The following ABHD2 variants were observed in gnomAD, a reference collection of about 807,000 sequenced individuals.
ABHD2 encodes monoacylglycerol lipase ABHD2.
ABHD2 carries 20 observed loss-of-function variants against 48.1 expected under a neutral mutation model. The observed-to-expected ratio is 0.42, with a 90% CI of 0.29 to 0.60. The LOEUF is 0.60. Ranked by LOEUF, ABHD2 falls within the 20% of genes least tolerant of loss-of-function variation. ABHD2 has a pLI of 0.24. For missense variants in ABHD2, 405 were observed against 550.9 expected (o/e 0.74, Z 2.65); for synonymous variants, 209 against 214.2 (o/e 0.98, Z 0.21).
rs1014433431 is a variant in ABHD2 at position 89,151,144 on chromosome 15, C to G, written c.195-533C>G. Among the ~76,000 whole-genome samples the G allele has an allele frequency of 6.6e-6, 1 of 152,210 alleles. No homozygotes were observed. Among genetic ancestry groups the G allele is most frequent in the Admixed American group, 6.5e-5 (1 of 15,276 alleles). On this transcript the variant is annotated intron_variant, in intron 3 of 10. Coordinates refer to ENST00000352732, the MANE Select transcript of ABHD2 (RefSeq NM_152924.5). This position sits in a 1 kb window ranked among gnomAD's most constrained non-coding sequence, Gnocchi z 4.7. ...GGAGCATAGAGTAGTGCCCTCACCC[C>G]ACAAGGCACTTACAGGCTCTTAGAA... is the stretch of plus-strand genomic sequence containing the variant.
intron 3 of ABHD2, among the ~76,000 whole-genome samples, chr15:89,142,994 T>G (rs776009262): frequency 6.6e-6 from 1 of 152,218 alleles, no homozygotes; most frequent in Non-Finnish European, 1.5e-5. Context: ...CCAATTCGAT[T>G]CCATGATGAG....
At chr15:89,057,063 G>A in the ABHD2 span, among the ~76,000 whole-genome samples, 8 of 151,786 alleles carry the variant, frequency 5.3e-5, no homozygotes, top group South Asian at 4.2e-4. Context: ...ACAGGCACAC[G>A]CCACCACGCC....
the ABHD2 span, among the ~76,000 whole-genome samples, chr15:89,045,466 A>T: frequency 6.6e-6 from 1 of 152,226 alleles, no homozygotes; most frequent in African/African-American, 2.4e-5. Context: ...TGGGGATGGC[A>T]TTGAATCTAT....
In ABHD2 at chr15:89,168,556, A is replaced by G. The variant is rs1273237349; in HGVS notation, c.539-7256A>G. Among the ~76,000 whole-genome samples, 1 of 152,156 alleles carries G rather than the reference A, an allele frequency of 6.6e-6. No individual in the cohort carries two copies. Among genetic ancestry groups the G allele is most frequent in the Non-Finnish European group, 1.5e-5 (1 of 68,018 alleles). On this transcript the variant is annotated intron_variant, in intron 5 of 10. Transcript: ENST00000352732. The surrounding 1 kb of genome is among the most constrained non-coding windows in gnomAD (Gnocchi z 4.8). Reference sequence around the variant, plus strand: ...GAGAGGTGGCATCTCTTCACAGAACATCCAGCAGTCTGTCTGACATCAGGC... The same window carrying G: ...GAGAGGTGGCATCTCTTCACAGAACGTCCAGCAGTCTGTCTGACATCAGGC...
At chr15:89,074,730 C>T in the ABHD2 span, among the ~76,000 whole-genome samples, 2 of 152,308 alleles carry the variant, frequency 1.3e-5, no homozygotes, top group South Asian at 4.2e-4. Flanking sequence ...CCCTCCCCAA[C>T]AAAGAAAAGA....
intron 3 of ABHD2, among the ~76,000 whole-genome samples, chr15:89,124,893 A>C (rs1237413297): frequency 6.6e-6 from 1 of 152,234 alleles, no homozygotes; most frequent in African/African-American, 2.4e-5. Flanking sequence ...GTTCGAGACC[A>C]GCCTGGCCAA....
At chr15:89,055,724 A>G in the ABHD2 span, among the ~76,000 whole-genome samples, 1 of 152,216 alleles carries the variant, frequency 6.6e-6, no homozygotes, top group South Asian at 2.1e-4. Context: ...TGAATAATCC[A>G]TAGCATATTC....
chr15:89,163,507 A>T (rs562386278), intron 5 of ABHD2, among the ~76,000 whole-genome samples: 26 of 152,216 alleles, frequency 1.7e-4, no homozygotes, highest in Admixed American at 1.5e-3. Flanking sequence ...TAGTATCCCC[A>T]CTTCACAGGC....
At chr15:89,147,514 C>T (rs547129050) in intron 3 of ABHD2, among the ~76,000 whole-genome samples, 5 of 151,484 alleles carry the variant, frequency 3.3e-5, no homozygotes, top group South Asian at 2.1e-4. Flanking sequence ...CCACCACGCC[C>T]GGCTAATTTT....
chr15:89,089,101 G>A (rs1216008591), intron 1 of ABHD2, among the ~76,000 whole-genome samples: 1 of 152,260 alleles, frequency 6.6e-6, no homozygotes, highest in Non-Finnish European at 1.5e-5. Flanking sequence ...GACCGGCACT[G>A]TTCTAGGCCC....
rs79380514 is a variant in ABHD2 at position 89,146,850 on chromosome 15, A to G, written c.195-4827A>G. Among the ~76,000 whole-genome samples the G allele has an allele frequency of 1.7e-3, 256 of 152,330 alleles. 1 individual carries two copies. Among genetic ancestry groups the G allele is most frequent in the African/African-American group, 5.4e-3 (226 of 41,570 alleles). On this transcript the variant is annotated intron_variant, in intron 3 of 10. Transcript: ENST00000352732. The surrounding 1 kb of genome is among the most constrained non-coding windows in gnomAD (Gnocchi z 4.2). ...ACACATCAGTATTGTAAAGGTGTCA[A>G]TTATCTCCTAGGTAATATATATTTG...
At chr15:89,062,288 G>A in the ABHD2 span, among the ~76,000 whole-genome samples, 1 of 151,984 alleles carries the variant, frequency 6.6e-6, no homozygotes, top group Non-Finnish European at 1.5e-5. Context: ...AGGTTGTTCG[G>A]GCATTCGGGC....
rs1256026695 is a variant in ABHD2 at position 89,199,931 on chromosome 15, C to T, written c.*4508C>T. 1 of 152,368 alleles carries T rather than the reference C, an allele frequency of 6.6e-6. No individual in the cohort carries two copies. Among genetic ancestry groups the T allele is most frequent in the African/African-American group, 2.4e-5 (1 of 41,344 alleles). 9.4% of individuals were successfully genotyped at this position (152,368 alleles called of 1,614,324 possible). ...GCTGGGAGAGGGAACTGGAATGCCA[C>T]ACAAGGCAAGGCCTGCTTCCTTCCT... On this transcript the variant is annotated 3_prime_UTR_variant, in exon 11 of 11. Transcript: ENST00000352732. The surrounding 1 kb of genome is among the most constrained non-coding windows in gnomAD (Gnocchi z 4.1).
intron 10 of ABHD2, among the ~76,000 whole-genome samples, chr15:89,194,797 A>G (rs2051368295): frequency 6.6e-6 from 1 of 152,170 alleles, no homozygotes; most frequent in Non-Finnish European, 1.5e-5. Flanking sequence ...AAAGTTAGGA[A>G]ACACATTGAA....
rs1427844893 is a variant in ABHD2 at position 89,134,599 on chromosome 15, T to G, written c.195-17078T>G. 2.0e-5 allele frequency among the ~76,000 whole-genome samples: 3 copies of G among 152,236 alleles called. No homozygotes were observed. The East Asian group carries it at 5.8e-4, about 29-fold the overall frequency. On this transcript the variant is annotated intron_variant, in intron 3 of 10. Coordinates refer to ENST00000352732, the MANE Select transcript of ABHD2 (RefSeq NM_152924.5). ...TGCTTGTTTTCATACTTTTCTTGGC[T>G]ATTATAGCTGGTTCATTTTTCCAAA...
At chr15:89,135,926 CTTT>C in intron 3 of ABHD2, 1 of 430,212 alleles carries the variant, frequency 2.3e-6, no homozygotes, top group Non-Finnish European at 4.3e-6. Flanking sequence ...GATCCTTTAA[CTTT>C]TTTTTTTTTC....
chr15:89,053,062 G>A, the ABHD2 span, among the ~76,000 whole-genome samples: 3 of 151,736 alleles, frequency 2.0e-5, no homozygotes, highest in Admixed American at 1.3e-4. Context: ...CTGCCTCCCG[G>A]GTTCAAGCGA....
intron 6 of ABHD2, among the ~76,000 whole-genome samples, chr15:89,178,985 A>C (rs2051062860): frequency 6.6e-6 from 1 of 152,260 alleles, no homozygotes; most frequent in Non-Finnish European, 1.5e-5. Context: ...ATTTTATTGC[A>C]GTTTGGGTGT....
At position 89,091,846 on chromosome 15, in the gene ABHD2, C is replaced by T. The variant is rs1488193843; in HGVS notation, c.-107+3283C>T. Among the ~76,000 whole-genome samples, 1 of 152,194 alleles carries T rather than the reference C, an allele frequency of 6.6e-6. No homozygotes were observed. Among genetic ancestry groups the T allele is most frequent in the Non-Finnish European group, 1.5e-5 (1 of 68,040 alleles). ...TATAGATGATGTGGGGCATGAGTTG[C>T]TTTAGCCTTTCTGTTTCATCTTGGG... On this transcript the variant is annotated intron_variant, in intron 1 of 10. Transcript: ENST00000352732. This position sits in a 1 kb window ranked among gnomAD's most constrained non-coding sequence, Gnocchi z 5.5.
Sources: gnomAD v4.1 joint callset for allele counts (sites outside exome capture counted in the v4.1 genomes callset) on GRCh38, gnomAD v4.1.1 for gene constraint, Gnocchi (gnomAD v3.1) non-coding constraint, MANE v1.5 for transcripts, NCBI Gene and HGNC (gene_info 2026-07-23, HGNC 2026-07-21) for gene names.